Variants in MAPK6 observed in about 807,000 individuals in gnomAD.
MAPK6 encodes mitogen-activated protein kinase 6.
In MAPK6, 19 loss-of-function variants were observed where a neutral mutation model predicts 59.3. The observed-to-expected ratio is 0.32, with a 90% CI of 0.22 to 0.47. MAPK6 has a LOEUF of 0.47. Ranked by LOEUF, MAPK6 falls within the 20% of genes least tolerant of loss-of-function variation. The pLI is 1.00. For synonymous variants in MAPK6, 316 were observed against 290.3 expected, an observed-to-expected ratio of 1.09 and a Z score of -0.90; for missense variants, 724 against 847.9, an observed-to-expected ratio of 0.85 and a Z score of 1.81.
intron 1 of MAPK6, among the ~76,000 whole-genome samples, chr15:52,024,855 A>G (rs2030696699): frequency 6.9e-6 from 1 of 144,914 alleles, no homozygotes; most frequent in South Asian, 2.2e-4. Context: ...CTGGGACTAC[A>G]GGCATGTGCC....
intron 2 of MAPK6, among the ~76,000 whole-genome samples, chr15:51,992,291 C>CTATCTATCTATCTA (rs201111358): frequency 3.7e-5 from 4 of 108,380 alleles, no homozygotes; most frequent in African/African-American, 1.5e-4. Flanking sequence ...ATCTATCTAT[C>CTATCTATCTATCTA]TATATATATA....
intron 2 of MAPK6, among the ~76,000 whole-genome samples, chr15:51,985,969 A>C (rs2057189992): frequency 6.6e-6 from 1 of 151,938 alleles, no homozygotes; most frequent in Middle Eastern, 3.4e-3. Context: ...AAAAAAAAAC[A>C]AAAAACAACG....
intron 2 of MAPK6, among the ~76,000 whole-genome samples, chr15:51,991,344 T>G (rs2057208187): frequency 6.6e-6 from 1 of 152,124 alleles, no homozygotes; most frequent in Non-Finnish European, 1.5e-5. Context: ...ACAAACACCT[T>G]CACTTTGCTG....
intron 3 of MAPK6, among the ~76,000 whole-genome samples, chr15:52,058,009 T>C (rs576736616): frequency 6.6e-6 from 1 of 152,358 alleles, no homozygotes; most frequent in South Asian, 2.1e-4. Context: ...TCAATGAATT[T>C]ATAGACATTA....
At chr15:52,016,064 G>GCACACACACA (rs1219275611), upstream of MAPK6, among the ~76,000 whole-genome samples, 8 of 54,950 alleles carry the variant, frequency 1.5e-4, no homozygotes, top group African/African-American at 4.0e-4. Context: ...GCGCGCGCGC[G>GCACACACACA]CGCGCGCACA....
intron 1 of MAPK6, among the ~76,000 whole-genome samples, chr15:52,041,070 T>C (rs998260438): frequency 1.3e-5 from 2 of 152,230 alleles, no homozygotes; most frequent in Admixed American, 6.5e-5. Flanking sequence ...ATTGGAAAGA[T>C]GCTGGAAAGG....
chr15:52,051,197 A>G (rs2031766539), intron 3 of MAPK6, among the ~76,000 whole-genome samples: 2 of 152,094 alleles, frequency 1.3e-5, no homozygotes, highest in Non-Finnish European at 2.9e-5. Flanking sequence ...AGCTGGGACT[A>G]CAGGCGCCCG....
At chr15:52,022,353 C>T (rs1052463488) in intron 1 of MAPK6, among the ~76,000 whole-genome samples, 3 of 152,114 alleles carry the variant, frequency 2.0e-5, no homozygotes, top group East Asian at 3.8e-4. Context: ...CTCTACTTCC[C>T]GGGCTCAGGT....
chr15:52,057,463 A>C (rs1310891345), intron 3 of MAPK6, among the ~76,000 whole-genome samples: 1 of 151,838 alleles, frequency 6.6e-6, no homozygotes, highest in Non-Finnish European at 1.5e-5. Context: ...GCTTCTCTCC[A>C]TCTTCCTAGA....
chr15:52,064,664 T>C lies in MAPK6; in HGVS notation c.1830T>C (p.Phe610=). The change falls in exon 6 of 6, where the codon TTT becomes TTC. Residue 610 remains phenylalanine (F), a synonymous_variant. Coordinates refer to ENST00000261845, the MANE Select transcript of MAPK6 (RefSeq NM_002748.4). ...AGGACTGTTTTTTCATAAATCAGTT[T>C]TGTGAGGTAAGGAAGGATGAACAAG... ...GGEDCFFINQ[F]CEVRKDEQVE... is the part of the protein sequence containing the mutation. 1 of 1,611,860 alleles carries C rather than the reference T, an allele frequency of 6.2e-7. No homozygotes were observed. Among genetic ancestry groups the C allele is most frequent in the East Asian group, 2.2e-5 (1 of 44,890 alleles).
chr15:52,007,946 A>C (rs1159629409), intron 3 of MAPK6, among the ~76,000 whole-genome samples: 1 of 150,828 alleles, frequency 6.6e-6, no homozygotes, highest in Non-Finnish European at 1.5e-5. Context: ...TCCCAGGTTT[A>C]AGTGATTCTC....
At chr15:52,006,812 C>T (rs761215333) in intron 3 of MAPK6, among the ~76,000 whole-genome samples, 1 of 152,040 alleles carries the variant, frequency 6.6e-6, no homozygotes, top group Non-Finnish European at 1.5e-5. Flanking sequence ...TAGTTGTTTA[C>T]CTGGGTCTAA....
intron 2 of MAPK6, among the ~76,000 whole-genome samples, chr15:52,002,673 T>A (rs1426221617): frequency 1.3e-5 from 2 of 152,216 alleles, no homozygotes; most frequent in Non-Finnish European, 2.9e-5. Flanking sequence ...GCAAAATAGC[T>A]AGGCCTTTTG....
chr15:52,051,279 G>A (rs796401404), intron 3 of MAPK6, among the ~76,000 whole-genome samples: 63 of 151,834 alleles, frequency 4.1e-4, no homozygotes, highest in Non-Finnish European at 6.8e-4. Context: ...GGATGGTCTC[G>A]ATCTCCTGAC....
chr15:52,019,278 C>T lies in MAPK6; in HGVS notation c.-730C>T, dbSNP rs534544966. ...GGCGGCGACTGCGGCAAAGCGAGAG[C>T]CTCGGAGACGCCGCTGCCGCCAGCA... On this transcript the variant is annotated 5_prime_UTR_variant, in exon 1 of 6. Coordinates refer to ENST00000261845, the MANE Select transcript of MAPK6 (RefSeq NM_002748.4). 6.6e-6 allele frequency: 1 copy of T among 152,074 alleles called. No individual in the cohort carries two copies. The highest frequency in any genetic ancestry group is 1.5e-5 in the Non-Finnish European group (1 of 67,976). The allele number at this position is 152,074 out of a possible 1,614,324, so 9.4% of individuals were successfully genotyped here. A position where few individuals can be genotyped will look rare whatever the true frequency, so the allele number is the denominator to read the frequency against.
intron 2 of MAPK6, among the ~76,000 whole-genome samples, chr15:51,998,351 C>G (rs1186136725): frequency 6.6e-6 from 1 of 151,286 alleles, no homozygotes; most frequent in Non-Finnish European, 1.5e-5. Context: ...ATTACAGGCG[C>G]CCACCACCAC....
chr15:51,998,989 CTTTTTTTTTTG>C (rs2057234583), intron 2 of MAPK6, among the ~76,000 whole-genome samples: 1 of 138,934 alleles, frequency 7.2e-6, no homozygotes, highest in African/African-American at 2.7e-5. Flanking sequence ...CGCGCCCGGC[CTTTTTTTTTTG>C]TTTTTTAAGA....
intron 3 of MAPK6, among the ~76,000 whole-genome samples, chr15:52,055,345 T>C (rs1490903554): frequency 6.6e-6 from 1 of 152,196 alleles, no homozygotes; most frequent in Non-Finnish European, 1.5e-5. Flanking sequence ...AGGTCAAGGC[T>C]ACAGTGAGCT....
chr15:52,016,065 C>CGT (rs1566899821), upstream of MAPK6, among the ~76,000 whole-genome samples: 7 of 88,412 alleles, frequency 7.9e-5, no homozygotes, highest in African/African-American at 1.4e-4. Flanking sequence ...CGCGCGCGCG[C>CGT]GCGCGCACAC....
Sources: allele counts gnomAD v4.1 joint callset (sites outside exome capture counted in the v4.1 genomes callset), GRCh38; gene constraint gnomAD v4.1.1; transcripts MANE v1.5; gene names NCBI Gene and HGNC (gene_info 2026-07-23, HGNC 2026-07-21).